PCDH11X: variants seen among roughly 807,000 people sequenced by gnomAD.
PCDH11X encodes protocadherin-11 X-linked.
Under a neutral mutation model 53.3 loss-of-function variants are expected in PCDH11X, and 18 were observed. That is an observed-to-expected ratio of 0.34 (90% CI 0.23 to 0.50). The LOEUF (loss-of-function observed/expected upper bound fraction) is 0.50, where lower values mean the gene tolerates loss of function less well. Ranked by LOEUF, PCDH11X falls within the 20% of genes least tolerant of loss-of-function variation. The pLI is 0.98. For missense variants in PCDH11X, 570 were observed against 1,032.4 expected (o/e 0.55, Z 6.14); for synonymous variants, 279 against 393.3 (o/e 0.71, Z 3.44).
At chrX:92,460,943 G>A (rs1186854706) in intron 9 of PCDH11X, 28 of 1,093,309 alleles carry the variant, frequency 2.6e-5, no homozygotes, top group Non-Finnish European at 3.2e-5. Flanking sequence ...CCAAAGTTCT[G>A]AGGCATTAAG....
intron 10 of PCDH11X, among the ~76,000 whole-genome samples, chrX:92,542,474 G>A (rs867038862): frequency 4.5e-5 from 5 of 110,514 alleles, no homozygotes; most frequent in Non-Finnish European, 9.5e-5. Flanking sequence ...CTTTTAAAAT[G>A]TCCATAAATT....
intron 8 of PCDH11X, among the ~76,000 whole-genome samples, chrX:92,377,182 A>T (rs148530132): frequency 8.9e-6 from 1 of 111,759 alleles, no homozygotes; most frequent in African/African-American, 3.2e-5. Flanking sequence ...TTCAATTTGT[A>T]TATCTTAAAT....
intron 9 of PCDH11X, among the ~76,000 whole-genome samples, chrX:92,416,970 T>C (rs2071827911): frequency 9.0e-6 from 1 of 110,868 alleles, no homozygotes; most frequent in Non-Finnish European, 1.9e-5. Flanking sequence ...AACTTTCATA[T>C]ACCGGACAAT....
At chrX:91,860,572 C>G (rs1053760344) in intron 5 of PCDH11X, among the ~76,000 whole-genome samples, 2 of 111,756 alleles carry the variant, frequency 1.8e-5, no homozygotes, top group African/African-American at 3.3e-5. Context: ...CAGCTTTTGC[C>G]CATTCAATAT....
In PCDH11X at chrX:91,878,337, T is replaced by G. The variant is rs1458932298; in HGVS notation, c.2097T>G (p.Ile699Met). Residue 699 changes from isoleucine (I) to methionine (M), a missense_variant, in exon 6 of 11, where the codon ATT becomes ATG. By Grantham distance (10) the Ile-to-Met change is conservative. Around this residue, in one of 6 missense-constraint regions of PCDH11X, gnomAD observed 226 missense variants for 457.5 expected, o/e 0.49. Coordinates refer to ENST00000682573, the MANE Select transcript of PCDH11X (RefSeq NM_032968.5). ...CAGGCACAGTGGTCTTTCAGGTAAT[T>G]GCTGTTGACAATGACACTGGCATGA... ...TNPGTVVFQVIAVDNDTGMNA... is the reference protein window; with the variant it reads ...TNPGTVVFQVMAVDNDTGMNA... 2.5e-6 allele frequency: 3 copies of G among 1,209,681 alleles called. No individual in the cohort carries two copies. The highest frequency in any genetic ancestry group is 3.4e-6 in the Non-Finnish European group (3 of 894,685).
chrX:91,823,495 A>G (rs2147590793), intron 4 of PCDH11X, among the ~76,000 whole-genome samples: 1 of 110,975 alleles, frequency 9.0e-6, no homozygotes, highest in Non-Finnish European at 1.9e-5. Flanking sequence ...TAGGATTGCA[A>G]TCCCTGCCTT....
At chrX:92,448,643 A>T (rs2072710329) in intron 9 of PCDH11X, among the ~76,000 whole-genome samples, 1 of 99,749 alleles carries the variant, frequency 1.0e-5, no homozygotes, top group African/African-American at 3.7e-5. Flanking sequence ...GGACTAACAC[A>T]CGAAATTTCC....
chrX:92,617,121 A>C (rs913958836), intron 10 of PCDH11X, among the ~76,000 whole-genome samples: 2 of 111,611 alleles, frequency 1.8e-5, no homozygotes, highest in Non-Finnish European at 3.8e-5. Flanking sequence ...TTTTTGGGGA[A>C]AAGTATTCAA....
chrX:92,285,483 C>T (rs1262482448), intron 8 of PCDH11X, among the ~76,000 whole-genome samples: 1 of 109,987 alleles, frequency 9.1e-6, no homozygotes, highest in African/African-American at 3.3e-5. Context: ...GAACTCCTGA[C>T]TTCAGGTGAT....
At chrX:92,023,153 G>A (rs1394010985) in intron 6 of PCDH11X, among the ~76,000 whole-genome samples, 1 of 108,363 alleles carries the variant, frequency 9.2e-6, no homozygotes, top group African/African-American at 3.4e-5. Context: ...CAGAAGACAA[G>A]AAATAATTAA....
chrX:92,164,401 C>T (rs910212917), intron 6 of PCDH11X, among the ~76,000 whole-genome samples: 7 of 112,031 alleles, frequency 6.2e-5, no homozygotes, highest in Non-Finnish European at 1.1e-4. Context: ...ATAAGTATTT[C>T]TTCTTGGATT....
chrX:92,136,096 A>G (rs1054647557), intron 6 of PCDH11X, among the ~76,000 whole-genome samples: 3 of 111,243 alleles, frequency 2.7e-5, no homozygotes, highest in African/African-American at 9.8e-5. Flanking sequence ...AAGACACTGG[A>G]ATACTAATTA....
intron 6 of PCDH11X, among the ~76,000 whole-genome samples, chrX:92,057,983 T>C (rs1479389352): frequency 1.1e-5 from 1 of 92,975 alleles, no homozygotes; most frequent in Admixed American, 1.2e-4. Flanking sequence ...CCTTTCTATG[T>C]TGCTCTTCTC....
intron 1 of PCDH11X, among the ~76,000 whole-genome samples, chrX:91,785,599 C>T (rs1935310301): frequency 8.9e-6 from 1 of 111,833 alleles, no homozygotes; most frequent in African/African-American, 3.3e-5. Context: ...AAATAAAATA[C>T]TTTGGAACAT....
intron 6 of PCDH11X, among the ~76,000 whole-genome samples, chrX:92,054,762 G>T (rs1273962909): frequency 9.8e-6 from 1 of 101,937 alleles, no homozygotes; most frequent in Non-Finnish European, 2.0e-5. Flanking sequence ...AGAGGTTGCG[G>T]TGAGCTGAGA....
At chrX:92,588,609 A>G (rs942129235) in intron 10 of PCDH11X, among the ~76,000 whole-genome samples, 2 of 109,513 alleles carry the variant, frequency 1.8e-5, no homozygotes, top group African/African-American at 6.6e-5. Flanking sequence ...TACACAGAGA[A>G]GAAAGAATAA....
intron 6 of PCDH11X, among the ~76,000 whole-genome samples, chrX:92,201,072 C>T (rs2066382853): frequency 9.0e-6 from 1 of 110,750 alleles, no homozygotes; most frequent in Non-Finnish European, 1.9e-5. Flanking sequence ...TTTAAATAGT[C>T]CTCCACAATT....
chrX:92,538,357 A>G (rs1176112804), intron 10 of PCDH11X, among the ~76,000 whole-genome samples: 1 of 106,421 alleles, frequency 9.4e-6, no homozygotes, highest in Non-Finnish European at 1.9e-5. Context: ...GAGTTCATCT[A>G]TTTATTTCCT....
intron 6 of PCDH11X, among the ~76,000 whole-genome samples, chrX:92,174,379 G>A (rs1280741869): frequency 9.0e-6 from 1 of 111,469 alleles, no homozygotes; most frequent in Admixed American, 9.6e-5. Context: ...TGGAACGGAG[G>A]CTACCAAAGT....
Sources: allele counts gnomAD v4.1 joint callset (sites outside exome capture counted in the v4.1 genomes callset), GRCh38; gene constraint gnomAD v4.1.1; regional missense constraint gnomAD v4.1.1; transcripts MANE v1.5; gene names NCBI Gene and HGNC (gene_info 2026-07-23, HGNC 2026-07-21).